The following ZNF793 variants were observed in gnomAD, a reference collection of about 807,000 sequenced individuals.
The protein encoded by ZNF793 is zinc finger protein 793.
ZNF793 carries 5 observed loss-of-function variants against 12.4 expected under a neutral mutation model. The observed-to-expected ratio is 0.40, with a 90% CI of 0.21 to 0.84. The LOEUF (loss-of-function observed/expected upper bound fraction) is 0.84. ZNF793 is among the 40% of genes least tolerant of loss of function. ZNF793 has a pLI of 0.35. For missense variants in ZNF793, 456 were observed against 495.0 expected, an observed-to-expected ratio of 0.92 and a Z score of 0.75; for synonymous variants, 162 against 172.4, an observed-to-expected ratio of 0.94 and a Z score of 0.47.
intron 5 of ZNF793, among the ~76,000 whole-genome samples, chr19:37,531,182 T>G (rs1280936200): frequency 6.7e-6 from 1 of 149,176 alleles, no homozygotes; most frequent in Non-Finnish European, 1.5e-5. Flanking sequence ...TTTTTTTTTG[T>G]TTGAGTCAGA....
chr19:37,525,346 G>T (rs2147086507), intron 5 of ZNF793, among the ~76,000 whole-genome samples: 1 of 151,628 alleles, frequency 6.6e-6, no homozygotes, highest in African/African-American at 2.4e-5. Flanking sequence ...CACCGTGTTA[G>T]CCAGGATGGT....
rs1464299848 is a variant in ZNF793 at position 37,538,487 on chromosome 19, G to C, written c.*608G>C. ...GTAGAGATGGGGTTTCACCATGTTG[G>C]TCAGGCTGGTCTCTTTGGCTAGGCT... On this transcript the variant is annotated 3_prime_UTR_variant, in exon 8 of 8. Transcript: ENST00000627814. The C allele has an allele frequency of 1.3e-5, 2 of 152,136 alleles. No individual in the cohort carries two copies. The highest frequency in any genetic ancestry group is 2.4e-5 in the African/African-American group (1 of 41,390). 9.4% of individuals were successfully genotyped at this position (152,136 alleles called of 1,614,324 possible).
chr19:37,532,014 A>ATT (rs560896331), intron 5 of ZNF793, among the ~76,000 whole-genome samples: 50 of 141,434 alleles, frequency 3.5e-4, no homozygotes, highest in Middle Eastern at 3.7e-3. Context: ...TCTTGCACAA[A>ATT]ATTTTTTTTT....
intron 2 of ZNF793, among the ~76,000 whole-genome samples, chr19:37,509,750 A>T (rs2042278652): frequency 6.6e-6 from 1 of 152,210 alleles, no homozygotes; most frequent in African/African-American, 2.4e-5. Flanking sequence ...TTATTGTGAT[A>T]TATATGCAAA....
chr19:37,510,543 G>T (rs2147054604), intron 2 of ZNF793, among the ~76,000 whole-genome samples: 1 of 151,070 alleles, frequency 6.6e-6, no homozygotes, highest in East Asian at 2.0e-4. Flanking sequence ...AATTAGCTGG[G>T]TGTGGTGGCT....
intron 2 of ZNF793, among the ~76,000 whole-genome samples, chr19:37,519,246 G>C (rs1010298933): frequency 6.6e-6 from 1 of 152,052 alleles, no homozygotes; most frequent in African/African-American, 2.4e-5. Flanking sequence ...AGCCTGGGCA[G>C]CAGAGCAAGA....
rs576040304 is a variant in ZNF793, at chr19:37,538,647, A to G, written c.*768A>G. 7.2e-5 allele frequency: 11 copies of G among 152,216 alleles called. No homozygotes were observed. The highest frequency in any genetic ancestry group is 2.6e-4 in the African/African-American group (11 of 41,526). The allele number at this position is 152,216 out of a possible 1,614,324, so 9.4% of individuals were successfully genotyped here. On this transcript the variant is annotated 3_prime_UTR_variant, in exon 8 of 8. Coordinates refer to ENST00000627814, the MANE Select transcript of ZNF793 (RefSeq NM_001013659.3). ...TAATGGAAATCATGATCTAATTGTG[A>G]TACAAACTTTTCTAGAAAATACTTT...
At chr19:37,534,169 T>C (rs185001146) in intron 7 of ZNF793, 2 of 152,342 alleles carry the variant, frequency 1.3e-5, no homozygotes, top group Admixed American at 1.3e-4. Context: ...GCCTCCCGTT[T>C]TTCCAGCTAC....
rs760485287 is a variant in ZNF793, at chr19:37,527,957, G to GA, written c.16-4385dup. Among the ~76,000 whole-genome samples, 872 of 136,168 alleles carry GA rather than the reference G, an allele frequency of 6.4e-3. 10 individuals carry two copies. Among genetic ancestry groups the GA allele is most frequent in the South Asian group, 0.012 (51 of 4,214 alleles). The allele number at this position is 136,168 out of a possible 152,430, so 89.3% of individuals were successfully genotyped here. On this transcript the variant is annotated intron_variant, in intron 5 of 7. Coordinates refer to ENST00000627814, the MANE Select transcript of ZNF793 (RefSeq NM_001013659.3). ...AACATGGTGAAACCCTGTCTCTACT[G>GA]AAAAAAAAAAAAAATACAAAAATTA...
At chr19:37,534,847 C>G (rs2042491935) in intron 7 of ZNF793, 1 of 152,144 alleles carries the variant, frequency 6.6e-6, no homozygotes, top group African/African-American at 2.4e-5. Flanking sequence ...CCACACCTGG[C>G]TAATTTTCAT....
At chr19:37,525,226 C>T (rs2042404800) in intron 5 of ZNF793, among the ~76,000 whole-genome samples, 1 of 151,274 alleles carries the variant, frequency 6.6e-6, no homozygotes, top group African/African-American at 2.4e-5. Context: ...GCCAACTCCT[C>T]CTTCCGGGTT....
At chr19:37,517,663 G>T (rs147130499) in intron 2 of ZNF793, among the ~76,000 whole-genome samples, 2 of 151,986 alleles carry the variant, frequency 1.3e-5, no homozygotes, top group Non-Finnish European at 2.9e-5. Flanking sequence ...AGTAGGACTC[G>T]GTTTAGAGGG....
chr19:37,537,542 AG>A lies in ZNF793; in HGVS notation c.885del (p.Lys295AsnfsTer106). 6.2e-7 allele frequency: 1 copy of A among 1,614,238 alleles called. No homozygotes were observed. On this transcript the variant is annotated frameshift_variant, in exon 8 of 8. Transcript: ENST00000627814. LOFTEE classifies it low-confidence loss of function (END_TRUNC). ...CFFCGKAFTQ[K>X]SHRTEHQRTH... Reference sequence around the variant, plus strand: ...TTTTGTGGGAAAGCCTTTACCCAGAAGTCACACCGCACAGAACATCAGAGAA... The same window carrying A: ...TTTTGTGGGAAAGCCTTTACCCAGAATCACACCGCACAGAACATCAGAGAA...
rs2073620282 is a variant in ZNF793 at position 37,539,834 on chromosome 19, G to T, written c.*1955G>T. On this transcript the variant is annotated 3_prime_UTR_variant, in exon 8 of 8. Transcript: ENST00000627814. ...GATCTATAATGGGAAAATGCTCCAG[G>T]CTCAGAAGAGTTCATGCTTAGTTCT... 1 of 152,126 alleles carries T rather than the reference G, an allele frequency of 6.6e-6. No homozygotes were observed. Among genetic ancestry groups the T allele is most frequent in the African/African-American group, 2.4e-5 (1 of 41,434 alleles). 9.4% of individuals were successfully genotyped at this position (152,126 alleles called of 1,614,324 possible).
At position 37,541,257 on chromosome 19, in the gene ZNF793, G is replaced by A. The variant is rs2042550238; in HGVS notation, c.*3378G>A. 6.6e-6 allele frequency: 1 copy of A among 152,146 alleles called. No individual in the cohort carries two copies. The highest frequency in any genetic ancestry group is 1.5e-5 in the Non-Finnish European group (1 of 68,032). The allele number at this position is 152,146 out of a possible 1,614,324, so 9.4% of individuals were successfully genotyped here. A position where few individuals can be genotyped will look rare whatever the true frequency, so the allele number is the denominator to read the frequency against. On this transcript the variant is annotated 3_prime_UTR_variant, in exon 8 of 8. Coordinates refer to ENST00000627814, the MANE Select transcript of ZNF793 (RefSeq NM_001013659.3). ...AACAGCACAAAAATAAATTCTGGGT[G>A]GCTTTAAGACGTAAAATTTTAAAGC... is the stretch of plus-strand genomic sequence containing the variant.
chr19:37,517,133 A>G (rs2042338793), intron 2 of ZNF793, among the ~76,000 whole-genome samples: 2 of 152,226 alleles, frequency 1.3e-5, no homozygotes, highest in Admixed American at 6.5e-5. Flanking sequence ...CTGTGTGCAG[A>G]TGGGCATCCC....
chr19:37,527,470 T>C (rs899590532), intron 5 of ZNF793, among the ~76,000 whole-genome samples: 2 of 152,216 alleles, frequency 1.3e-5, no homozygotes, highest in African/African-American at 4.8e-5. Context: ...GTTCAAAGGC[T>C]TTACACCTTT....
rs979118056 is a variant in ZNF793 at position 37,536,943 on chromosome 19, G to A, written c.285G>A (p.Met95Ile). 6.2e-7 allele frequency: 1 copy of A among 1,613,092 alleles called. No individual in the cohort carries two copies. The highest frequency in any genetic ancestry group is 8.5e-7 in the Non-Finnish European group (1 of 1,179,698). Residue 95 changes from methionine to isoleucine, a missense_variant, in exon 8 of 8, where the codon ATG becomes ATA. Met to Ile is a conservative substitution (Grantham distance 10, BLOSUM62 1). Transcript: ENST00000627814. Reference protein sequence around the residue: ...VNIQRKRRQDMLLRPGAAISK... With the variant: ...VNIQRKRRQDILLRPGAAISK... ...TCCAGAGGAAAAGACGGCAAGACAT[G>A]CTTTTGAGGCCAGGCGCAGCCATAA...
intron 1 of ZNF793, among the ~76,000 whole-genome samples, chr19:37,507,868 G>C (rs2042263234): frequency 6.6e-6 from 1 of 152,206 alleles, no homozygotes; most frequent in Non-Finnish European, 1.5e-5. Flanking sequence ...GGGAATATCA[G>C]TGACTATGAA....
Sources: allele counts gnomAD v4.1 joint callset (sites outside exome capture counted in the v4.1 genomes callset), GRCh38; gene constraint gnomAD v4.1.1; transcripts MANE v1.5; gene names NCBI Gene and HGNC (gene_info 2026-07-23, HGNC 2026-07-21).